The following PTPRD variants were observed in gnomAD, a reference collection of about 807,000 sequenced individuals.
The protein encoded by PTPRD is receptor-type tyrosine-protein phosphatase delta.
A neutral mutation model predicts 214.5 loss-of-function variants in PTPRD; 34 were observed. The observed-to-expected ratio is 0.16, with a 90% CI of 0.12 to 0.21. The LOEUF (loss-of-function observed/expected upper bound fraction) is 0.21, where lower values mean the gene tolerates loss of function less well. Among genes scored for constraint, PTPRD ranks in the 10% least tolerant of loss-of-function variants. The probability of loss-of-function intolerance (pLI) is 1.00; values close to 1 mark genes in which losing one functional copy is unlikely to be tolerated. For missense variants in PTPRD, 2,545 were observed against 2,398.7 expected (o/e 1.06, Z -1.27); for synonymous variants, 1,128 against 845.7 (o/e 1.33, Z -5.79).
intron 39 of PTPRD, among the ~76,000 whole-genome samples, chr9:8,375,069 G>C (rs988590690): frequency 6.6e-6 from 1 of 151,694 alleles, no homozygotes; most frequent in African/African-American, 2.4e-5. Flanking sequence ...ACTTATCTGT[G>C]GAAGAAGCAA....
intron 26 of PTPRD, among the ~76,000 whole-genome samples, chr9:8,494,910 T>C (rs891074888): frequency 1.3e-5 from 2 of 152,160 alleles, no homozygotes; most frequent in African/African-American, 4.8e-5. Flanking sequence ...CCTGATATTA[T>C]GGCCATAATT....
At chr9:9,068,763 C>A (rs1395089291) in intron 10 of PTPRD, among the ~76,000 whole-genome samples, 1 of 152,100 alleles carries the variant, frequency 6.6e-6, no homozygotes. Context: ...AGGCGCGTGT[C>A]ACCATACCTA....
At chr9:9,641,537 C>A (rs1185732205) in intron 7 of PTPRD, among the ~76,000 whole-genome samples, 1 of 152,132 alleles carries the variant, frequency 6.6e-6, no homozygotes, top group Non-Finnish European at 1.5e-5. Context: ...CTCACTGACA[C>A]AGACCTCCAT....
At chr9:10,093,354 G>A (rs996538874) in intron 3 of PTPRD, among the ~76,000 whole-genome samples, 4 of 151,406 alleles carry the variant, frequency 2.6e-5, no homozygotes, top group Non-Finnish European at 5.9e-5. Context: ...TCCTCATCAT[G>A]ATGAATTATC....
intron 11 of PTPRD, among the ~76,000 whole-genome samples, chr9:8,936,584 G>T (rs916328872): frequency 6.6e-6 from 1 of 152,108 alleles, no homozygotes; most frequent in East Asian, 1.9e-4. Context: ...AGGCAGCCTT[G>T]CTTTGAGGAA....
intron 11 of PTPRD, among the ~76,000 whole-genome samples, chr9:8,825,319 G>C (rs568015192): frequency 1.2e-4 from 18 of 152,308 alleles, no homozygotes; most frequent in African/African-American, 4.3e-4. Flanking sequence ...TTTAGTTAAA[G>C]CCTTGGTAAA....
At chr9:10,596,038 T>C (rs1015427507) in intron 2 of PTPRD, among the ~76,000 whole-genome samples, 1 of 151,804 alleles carries the variant, frequency 6.6e-6, no homozygotes, top group Non-Finnish European at 1.5e-5. Context: ...ATCCACCAGT[T>C]ATATACACAC....
At chr9:10,296,339 A>C (rs930680171) in intron 3 of PTPRD, among the ~76,000 whole-genome samples, 8 of 152,112 alleles carry the variant, frequency 5.3e-5, no homozygotes, top group African/African-American at 1.9e-4. Context: ...GTTTTATCTG[A>C]GTTCCTTCTT....
At chr9:8,789,071 A>C (rs1302276202) in intron 11 of PTPRD, among the ~76,000 whole-genome samples, 1 of 152,194 alleles carries the variant, frequency 6.6e-6, no homozygotes, top group South Asian at 2.1e-4. Context: ...GCCAGTAAGA[A>C]GCATTTGCTT....
intron 8 of PTPRD, among the ~76,000 whole-genome samples, chr9:9,535,958 T>C (rs62533259): frequency 0.08 from 12,216 of 152,110 alleles, 655 homozygotes; most frequent in South Asian, 0.16. Flanking sequence ...TAACTACTCC[T>C]AAGAGAAATC....
At chr9:9,247,733 T>C (rs1480231432) in intron 9 of PTPRD, among the ~76,000 whole-genome samples, 4 of 152,016 alleles carry the variant, frequency 2.6e-5, no homozygotes, top group Non-Finnish European at 5.9e-5. Context: ...CACACAATAG[T>C]AGTTCTCCAT....
chr9:8,748,540 AGAAAAAG>A (rs796501522), intron 11 of PTPRD, among the ~76,000 whole-genome samples: 11 of 115,610 alleles, frequency 9.5e-5, no homozygotes, highest in South Asian at 8.3e-4. Flanking sequence ...AAAAAAAAAA[AGAAAAAG>A]AAAAAGAAAA....
At position 8,868,323 on chromosome 9, in the gene PTPRD, C is replaced by T. The variant is rs371163307; in HGVS notation, c.-103-134377G>A. ...AAGTGATTCTCGTGCCTCAGCCTCC[C>T]GAGTAGCTGGGATTAGGGGCATGTA... On this transcript the variant is annotated intron_variant, in intron 11 of 45. Coordinates refer to ENST00000381196, the MANE Select transcript of PTPRD (RefSeq NM_002839.4). Among the ~76,000 whole-genome samples, 10 of 152,272 alleles carry T rather than the reference C, an allele frequency of 6.6e-5. No homozygotes were observed. The South Asian group carries it at 8.3e-4, about 13-fold the overall frequency.
At chr9:10,403,111 T>C (rs918135257) in intron 2 of PTPRD, among the ~76,000 whole-genome samples, 1 of 150,546 alleles carries the variant, frequency 6.6e-6, no homozygotes, top group East Asian at 2.0e-4. Flanking sequence ...GAAATAAAGG[T>C]GCAGTTAAAT....
In PTPRD at chr9:10,318,676, G is replaced by A. The variant is rs577089842; in HGVS notation, c.-545+22287C>T. On this transcript the variant is annotated intron_variant, in intron 3 of 45. Transcript: ENST00000381196. ...CACCCAGGCTGGAGTGCAGTGGCAC[G>A]ATCTTGGCTCACTGCATCCTCTGCC... Among the ~76,000 whole-genome samples the A allele has an allele frequency of 1.5e-4, 23 of 152,052 alleles. No individual in the cohort carries two copies. The East Asian group carries it at 1.6e-3, about 10-fold the overall frequency.
intron 8 of PTPRD, among the ~76,000 whole-genome samples, chr9:9,469,738 A>T (rs917085142): frequency 1.3e-5 from 2 of 152,178 alleles, no homozygotes; most frequent in African/African-American, 4.8e-5. Context: ...AAAATGCCTG[A>T]ATCTCTGCCT....
intron 3 of PTPRD, among the ~76,000 whole-genome samples, chr9:10,323,279 C>G (rs1597106403): frequency 1.5e-5 from 1 of 65,408 alleles, no homozygotes; most frequent in South Asian, 1.0e-3. Flanking sequence ...CCTCCCCTCC[C>G]CTCTCCTCCC....
At chr9:8,961,319 A>G (rs774253764) in intron 11 of PTPRD, among the ~76,000 whole-genome samples, 1 of 152,158 alleles carries the variant, frequency 6.6e-6, no homozygotes, top group Non-Finnish European at 1.5e-5. Context: ...AAAAGTTGCA[A>G]GTAAATCAAG....
rs2096317444 is a variant in PTPRD at position 8,633,455 on chromosome 9, T to C, written c.214A>G (p.Ile72Val). The C allele has an allele frequency of 1.2e-6, 2 of 1,611,564 alleles. No homozygotes were observed. The highest frequency in any genetic ancestry group is 1.7e-6 in the Non-Finnish European group (2 of 1,178,522). ...KKVSNQRFEV[I>V]EFDDGSGSVL... ...GATCCAGACCCATCGTCAAACTCTA[T>C]TACCTATTAGAGGAAACAATAGCTG... The change falls in exon 14 of 46, where the codon ATA (isoleucine) becomes GTA (valine). Residue 72 changes from isoleucine to valine, a missense_variant. Physicochemically the swap from Ile to Val is conservative, Grantham distance 29. Coordinates refer to ENST00000381196, the MANE Select transcript of PTPRD (RefSeq NM_002839.4).
Sources: gnomAD v4.1 joint callset for allele counts (sites outside exome capture counted in the v4.1 genomes callset) on GRCh38, gnomAD v4.1.1 for gene constraint, MANE v1.5 for transcripts, NCBI Gene and HGNC (gene_info 2026-07-23, HGNC 2026-07-21) for gene names.